MSH3: variants seen among roughly 807,000 people sequenced by gnomAD.
The protein encoded by MSH3 is DNA mismatch repair protein Msh3.
Under a neutral mutation model 123.3 loss-of-function variants are expected in MSH3, and 106 were observed. The ratio of observed to expected loss-of-function variants is 0.86; its 90% CI spans 0.73 to 1.01. The LOEUF (loss-of-function observed/expected upper bound fraction) is 1.01. Ranked by LOEUF, MSH3 falls within the 50% of genes least tolerant of loss-of-function variation. MSH3 has a pLI of 0.00. For synonymous variants in MSH3, 515 were observed against 481.4 expected, an observed-to-expected ratio of 1.07 and a Z score of -0.91; for missense variants, 1,459 against 1,347.6, an observed-to-expected ratio of 1.08 and a Z score of -1.29.
chr5:80,658,147 C>T (rs567874207), intron 2 of MSH3, among the ~76,000 whole-genome samples: 1 of 150,028 alleles, frequency 6.7e-6, no homozygotes, highest in South Asian at 2.1e-4. Context: ...TCACTGTAAC[C>T]TCCTGGGTTC....
intron 8 of MSH3, among the ~76,000 whole-genome samples, chr5:80,688,876 G>A (rs1285348370): frequency 6.6e-6 from 1 of 152,092 alleles, no homozygotes; most frequent in East Asian, 1.9e-4. Flanking sequence ...TTTCGTGATT[G>A]CAGTGTTACA....
At chr5:80,715,155 C>T (rs10036264) in intron 8 of MSH3, 4 of 152,044 alleles carry the variant, frequency 2.6e-5, no homozygotes, top group Admixed American at 6.6e-5. Flanking sequence ...GGAATAATGC[C>T]GCCCACAGCA....
chr5:80,792,884 C>T (rs1407357426), intron 19 of MSH3, 40 bp downstream of exon 19: 1 of 1,315,766 alleles, frequency 7.6e-7, no homozygotes, highest in East Asian at 2.3e-5. Context: ...ATGATAACAT[C>T]CCAAACTTTT....
chr5:80,867,790 A>C (rs1184302456), intron 22 of MSH3, among the ~76,000 whole-genome samples: 1 of 152,046 alleles, frequency 6.6e-6, no homozygotes, highest in East Asian at 1.9e-4. Context: ...TTTTCTTATA[A>C]ATGTAAGTTC....
intron 12 of MSH3, among the ~76,000 whole-genome samples, chr5:80,751,188 T>A (rs745588363): frequency 6.6e-6 from 1 of 152,200 alleles, no homozygotes; most frequent in Admixed American, 6.5e-5. Flanking sequence ...GGATGTAGTT[T>A]GAGGCATTAA....
rs751236312 is a variant in MSH3, at chr5:80,768,885, T to TA, written c.2141dup (p.Arg715GlufsTer4). 8.7e-6 allele frequency: 14 copies of TA among 1,611,940 alleles called. No individual in the cohort carries two copies. Among genetic ancestry groups the TA allele is most frequent in the Non-Finnish European group, 1.2e-5 (14 of 1,178,386 alleles). ...AAAGACCTTTCTGACTTCCCTTTAA[T>TA]AAAAAAGAGGAAGGATGAAATTCAA... On this transcript the variant is annotated frameshift_variant, in exon 15 of 24. Coordinates refer to ENST00000265081, the MANE Select transcript of MSH3 (RefSeq NM_002439.5). LOFTEE classifies it high-confidence loss of function.
Position 80,654,890 on chromosome 5 carries a change from GCAGCGGCCGCAGCGGCC to G in MSH3, c.164_180del (p.Ala55GlyfsTer24). The G allele has an allele frequency of 1.2e-6, 1 of 814,418 alleles. No homozygotes were observed. Among genetic ancestry groups the G allele is most frequent in the Non-Finnish European group, 1.7e-6 (1 of 599,490 alleles). The allele number at this position is 814,418 out of a possible 1,614,324, so 50.4% of individuals were successfully genotyped here. On this transcript the variant is annotated frameshift_variant, in exon 1 of 24. Transcript: ENST00000265081. LOFTEE classifies it high-confidence loss of function. Reference sequence around the variant, plus strand: ...GGTGGACCCTGGCGCTGCAGCGGCTGCAGCGGCCGCAGCGGCCGCAGCGCCCCCAGCGCCCCCAGCTC... The same window carrying G: ...GGTGGACCCTGGCGCTGCAGCGGCTGGCAGCGCCCCCAGCGCCCCCAGCTC...
At chr5:80,828,379 ACC>A (rs1745357750) in intron 20 of MSH3, among the ~76,000 whole-genome samples, 2 of 152,216 alleles carry the variant, frequency 1.3e-5, no homozygotes, top group African/African-American at 4.8e-5. Context: ...AGCCCTGATG[ACC>A]CAGTCACCTC....
chr5:80,673,854 G>T (rs995400710), intron 6 of MSH3, among the ~76,000 whole-genome samples: 5 of 152,020 alleles, frequency 3.3e-5, no homozygotes, highest in African/African-American at 4.8e-5. Flanking sequence ...TTAGACCAGG[G>T]TGCATTTAAA....
At chr5:80,696,544 A>G (rs1228417370) in intron 8 of MSH3, among the ~76,000 whole-genome samples, 1 of 152,098 alleles carries the variant, frequency 6.6e-6, no homozygotes, top group Non-Finnish European at 1.5e-5. Flanking sequence ...GTTTTATGCT[A>G]CAAAAAGTAA....
In MSH3 at chr5:80,805,692, T is replaced by G. The variant is rs187628112; in HGVS notation, c.2656-7892T>G. ...TCAATGCAACCTCTGCCTCCAGGGT[T>G]CAGGCGATTCTCCTGCCTCAGCCTC... On this transcript the variant is annotated intron_variant, in intron 19 of 23. Coordinates refer to ENST00000265081, the MANE Select transcript of MSH3 (RefSeq NM_002439.5). 1.5e-3 allele frequency among the ~76,000 whole-genome samples: 228 copies of G among 148,258 alleles called. 2 individuals carry two copies. The highest frequency in any genetic ancestry group is 4.4e-3 in the South Asian group (20 of 4,500).
In MSH3 at chr5:80,730,894, ATT is replaced by A. The variant is rs59224150; in HGVS notation, c.1568+1941_1568+1942del. 7.4e-3 allele frequency among the ~76,000 whole-genome samples: 941 copies of A among 127,772 alleles called. 10 individuals are homozygous for A. The highest frequency in any genetic ancestry group is 0.017 in the African/African-American group (553 of 33,012). The allele number at this position is 127,772 out of a possible 152,430, so 83.8% of individuals were successfully genotyped here. A position where few individuals can be genotyped will look rare whatever the true frequency, so the allele number is the denominator to read the frequency against. ...GTCCTCCTCATATATATATATATAT[ATT>A]TTTTTTTTTTTCTTTTTTTTTTTTT... On this transcript the variant is annotated intron_variant, in intron 10 of 23. Coordinates refer to ENST00000265081, the MANE Select transcript of MSH3 (RefSeq NM_002439.5).
At chr5:80,686,886 C>T (rs1031705566) in intron 8 of MSH3, among the ~76,000 whole-genome samples, 29 of 152,060 alleles carry the variant, frequency 1.9e-4, no homozygotes, top group African/African-American at 6.8e-4. Context: ...TGAGGAAAGG[C>T]AAAAGAATGG....
At chr5:80,675,520 T>G (rs1276949097) in intron 7 of MSH3, among the ~76,000 whole-genome samples, 1 of 149,628 alleles carries the variant, frequency 6.7e-6, no homozygotes. Flanking sequence ...GGAGAGAGAG[T>G]GAAGGGGGAA....
chr5:80,746,282 G>A (rs886726809), intron 12 of MSH3: 5 of 305,974 alleles, frequency 1.6e-5, no homozygotes, highest in African/African-American at 8.9e-5. Context: ...TTTAAACAGA[G>A]CAGGGCAGCT....
At chr5:80,841,741 T>C (rs1242815805) in intron 20 of MSH3, among the ~76,000 whole-genome samples, 5 of 152,230 alleles carry the variant, frequency 3.3e-5, no homozygotes, top group African/African-American at 1.2e-4. Flanking sequence ...TGCCCACTTT[T>C]TGATGGGGTT....
At chr5:80,830,644 G>T (rs1431436527) in intron 20 of MSH3, among the ~76,000 whole-genome samples, 1 of 152,158 alleles carries the variant, frequency 6.6e-6, no homozygotes, top group African/African-American at 2.4e-5. Context: ...CAGTTCTTGG[G>T]ACTTTCCCAC....
rs992753486 is a variant in MSH3 at position 80,798,245 on chromosome 5, A to T, written c.2655+5401A>T. ...GGGTAGACATTGAGATGCTAGTCAC[A>T]GTCCCTTCTTGTGAGATCAAGATGG... is the stretch of plus-strand genomic sequence containing the variant. On this transcript the variant is annotated intron_variant, in intron 19 of 23. Coordinates refer to ENST00000265081, the MANE Select transcript of MSH3 (RefSeq NM_002439.5). Among the ~76,000 whole-genome samples, 9 of 152,268 alleles carry T rather than the reference A, an allele frequency of 5.9e-5. 2 individuals carry two copies. Among genetic ancestry groups the T allele is most frequent in the Admixed American group, 4.6e-4 (7 of 15,294 alleles).
intron 18 of MSH3, 129 bp from the exon 19 acceptor site, chr5:80,792,604 A>G (rs527699426): frequency 1.5e-6 from 1 of 661,528 alleles, no homozygotes; most frequent in South Asian, 1.8e-5. Flanking sequence ...ATATGTTCTT[A>G]AAATCTATGT....
Sources: gnomAD v4.1 joint callset for allele counts (sites outside exome capture counted in the v4.1 genomes callset) on GRCh38, gnomAD v4.1.1 for gene constraint, MANE v1.5 for transcripts, NCBI Gene and HGNC (gene_info 2026-07-23, HGNC 2026-07-21) for gene names.